The following DYM variants were observed in gnomAD, a reference collection of about 807,000 sequenced individuals.
DYM encodes dymeclin, also known as dyggve-Melchior-Clausen syndrome protein.
Under a neutral mutation model 93.1 loss-of-function variants are expected in DYM, and 78 were observed. That is an observed-to-expected ratio of 0.84 (90% CI 0.70 to 1.01). DYM has a LOEUF of 1.01. Ranked by LOEUF, DYM falls within the 50% of genes least tolerant of loss-of-function variation. The pLI, the probability that DYM is intolerant of heterozygous loss-of-function variation, is 0.00. For missense variants in DYM, 789 were observed against 845.0 expected, an observed-to-expected ratio of 0.93 and a Z score of 0.82; for synonymous variants, 321 against 319.7, an observed-to-expected ratio of 1.00 and a Z score of -0.04.
At chr18:49,404,872 G>T (rs2071278883) in intron 2 of DYM, among the ~76,000 whole-genome samples, 1 of 152,044 alleles carries the variant, frequency 6.6e-6, no homozygotes, top group African/African-American at 2.4e-5. Context: ...AATTAGCCAG[G>T]CATGGTGGTG....
intron 6 of DYM, among the ~76,000 whole-genome samples, chr18:49,350,162 G>A (rs2064982545): frequency 6.6e-6 from 1 of 152,090 alleles, no homozygotes; most frequent in Non-Finnish European, 1.5e-5. Flanking sequence ...AAATACATAT[G>A]ATGGCTATAT....
intron 17 of DYM, among the ~76,000 whole-genome samples, chr18:49,070,568 C>A (rs1260515424): frequency 6.6e-6 from 1 of 152,172 alleles, no homozygotes; most frequent in African/African-American, 2.4e-5. Context: ...GCCCCCTTTG[C>A]CCATTTGTGT....
chr18:49,188,906 T>C (rs762489807), intron 14 of DYM, among the ~76,000 whole-genome samples: 1 of 152,132 alleles, frequency 6.6e-6, no homozygotes, highest in Admixed American at 6.5e-5. Context: ...CTATTTATAA[T>C]AGCAAAGGCA....
intron 13 of DYM, among the ~76,000 whole-genome samples, chr18:49,252,216 C>CAGAAAAAAAA (rs2094304203): frequency 3.7e-5 from 1 of 27,230 alleles, no homozygotes; most frequent in African/African-American, 2.2e-4. Flanking sequence ...AGACTTGCCT[C>CAGAAAAAAAA]AAAAAAAAAA....
At chr18:49,143,798 A>G (rs1446292224) in intron 15 of DYM, among the ~76,000 whole-genome samples, 1 of 152,192 alleles carries the variant, frequency 6.6e-6, no homozygotes, top group Non-Finnish European at 1.5e-5. Flanking sequence ...ACAGGATAGT[A>G]TAATGAACCT....
chr18:49,419,045 T>C (rs1038620090), intron 2 of DYM, among the ~76,000 whole-genome samples: 1 of 152,206 alleles, frequency 6.6e-6, no homozygotes, highest in Non-Finnish European at 1.5e-5. Context: ...TACGTTTCTC[T>C]TAAATCACCT....
rs904386040 is a variant in DYM at position 49,248,860 on chromosome 18, T to C, written c.1460+8150A>G. Among the ~76,000 whole-genome samples, 4 of 152,316 alleles carry C rather than the reference T, an allele frequency of 2.6e-5. No individual in the cohort carries two copies. In the East Asian group the frequency reaches 5.8e-4, roughly 22 times the overall value. ...CAGGATAATTTCCACATACCATGTA[T>C]TGTAATACCTGAACACATCCATACC... On this transcript the variant is annotated intron_variant, in intron 13 of 17. Coordinates refer to ENST00000675505, the MANE Select transcript of DYM (RefSeq NM_001353214.3).
At chr18:49,327,606 G>A (rs559808596) in intron 8 of DYM, among the ~76,000 whole-genome samples, 3 of 151,870 alleles carry the variant, frequency 2.0e-5, no homozygotes, top group Non-Finnish European at 4.4e-5. Flanking sequence ...ATCCACCCAC[G>A]TCAGCCTCCC....
At chr18:49,361,348 C>T (rs1349505652) in intron 6 of DYM, among the ~76,000 whole-genome samples, 4 of 152,204 alleles carry the variant, frequency 2.6e-5, no homozygotes, top group African/African-American at 9.7e-5. Flanking sequence ...TCATGTACGA[C>T]AGCAGCCTGG....
chr18:49,054,401 C>T (rs569172183), intron 17 of DYM, among the ~76,000 whole-genome samples: 27 of 152,148 alleles, frequency 1.8e-4, no homozygotes, highest in Non-Finnish European at 3.5e-4. Context: ...GCCACTACGC[C>T]CGGCTAATTT....
chr18:49,202,326 G>A (rs915132014), intron 14 of DYM, among the ~76,000 whole-genome samples: 9 of 152,174 alleles, frequency 5.9e-5, no homozygotes, highest in Non-Finnish European at 1.2e-4. Flanking sequence ...GTGCAGTGGC[G>A]TGATCTCGGC....
chr18:49,432,151 T>C (rs1221215069), intron 1 of DYM, among the ~76,000 whole-genome samples: 2 of 151,950 alleles, frequency 1.3e-5, no homozygotes, highest in African/African-American at 4.8e-5. Context: ...GGCGGGCAGA[T>C]CACCTGAGGC....
intron 15 of DYM, among the ~76,000 whole-genome samples, chr18:49,157,749 C>T (rs1819523939): frequency 6.6e-6 from 1 of 152,160 alleles, no homozygotes; most frequent in African/African-American, 2.4e-5. Flanking sequence ...CTTTGAAACA[C>T]AAAGTTTTAA....
chr18:49,237,775 C>G (rs536426870), intron 13 of DYM, among the ~76,000 whole-genome samples: 1 of 152,168 alleles, frequency 6.6e-6, no homozygotes, highest in Non-Finnish European at 1.5e-5. Context: ...AGAGTTTCTG[C>G]ATGTAAACAA....
chr18:49,178,914 C>T (rs2145427760), intron 14 of DYM, among the ~76,000 whole-genome samples: 1 of 152,066 alleles, frequency 6.6e-6, no homozygotes, highest in Non-Finnish European at 1.5e-5. Context: ...ACCCCCCCAC[C>T]ACGCCCCCAT....
rs1420304222 is a variant in DYM at position 49,153,317 on chromosome 18, GGCTT to G, written c.1728+10364_1728+10367del. On this transcript the variant is annotated intron_variant, in intron 15 of 17. Transcript: ENST00000675505. ...ACTCACTGGGACCTAATCAATGTGG[GGCTT>G]GGAATCTATTTAAGTTCAAAGCAGT... Among the ~76,000 whole-genome samples the G allele has an allele frequency of 2.0e-5, 3 of 152,040 alleles. No individual in the cohort carries two copies. In the East Asian group the frequency reaches 5.8e-4, roughly 29 times the overall value.
chr18:49,130,978 C>G (rs2083330598), intron 15 of DYM, among the ~76,000 whole-genome samples: 1 of 152,184 alleles, frequency 6.6e-6, no homozygotes, highest in South Asian at 2.1e-4. Context: ...CTTTTTGAGC[C>G]TCAGCTTTCC....
At chr18:49,409,833 G>C (rs1014769192) in intron 2 of DYM, among the ~76,000 whole-genome samples, 1 of 152,172 alleles carries the variant, frequency 6.6e-6, no homozygotes, top group African/African-American at 2.4e-5. Context: ...GGTCAGGCAG[G>C]CTACAGTTTG....
chr18:49,333,668 A>G (rs2063468652), intron 7 of DYM, 60 bp downstream of exon 7: 1 of 1,555,486 alleles, frequency 6.4e-7, no homozygotes, highest in Non-Finnish European at 8.8e-7. Context: ...TAAAAGGACA[A>G]GACTAGAAAT....
Sources: allele counts gnomAD v4.1 joint callset (sites outside exome capture counted in the v4.1 genomes callset), GRCh38; gene constraint gnomAD v4.1.1; transcripts MANE v1.5; gene names NCBI Gene and HGNC (gene_info 2026-07-23, HGNC 2026-07-21).